Variants in JCAD observed in about 807,000 individuals in gnomAD.
The protein encoded by JCAD is junctional cadherin 5-associated protein.
A neutral mutation model predicts 98.0 loss-of-function variants in JCAD; 40 were observed. The observed-to-expected ratio is 0.41, with a 90% confidence interval of 0.32 to 0.53. The LOEUF is 0.53. JCAD is among the 20% of genes least tolerant of loss of function. The pLI, the probability that JCAD is intolerant of heterozygous loss-of-function variation, is 0.31. For synonymous variants in JCAD, 691 were observed against 682.3 expected (o/e 1.01, Z -0.20); for missense variants, 1,705 against 1,738.1 (o/e 0.98, Z 0.34).
upstream of JCAD, among the ~76,000 whole-genome samples, chr10:30,064,068 G>A (rs1390093534): frequency 6.6e-6 from 1 of 152,158 alleles, no homozygotes; most frequent in East Asian, 1.9e-4. Context: ...GCCTCCCAAA[G>A]TGGTGGGATT....
At position 30,075,480 on chromosome 10, in the gene JCAD, T is replaced by C. The variant is rs374880272; in HGVS notation, n.129-5659A>G. ...TTAATATTCACATTGGTACCAATGA[T>C]ACAGGATAACTGCTATTTAATAAAT... On this transcript the variant is annotated intron_variant and non_coding_transcript_variant, in intron 1 of 2. Coordinates refer to the JCAD transcript ENST00000465712. 1.1e-4 allele frequency among the ~76,000 whole-genome samples: 17 copies of C among 152,342 alleles called. No homozygotes were observed. In the East Asian group the frequency reaches 1.2e-3, roughly 10 times the overall value.
chr10:30,036,434 G>C (rs938987000), intron 2 of JCAD, among the ~76,000 whole-genome samples: 4 of 150,494 alleles, frequency 2.7e-5, no homozygotes, highest in African/African-American at 9.9e-5. Context: ...GGGCAGTACA[G>C]AGCAGGACTC....
At position 30,059,409 on chromosome 10, in the gene JCAD, G is replaced by A. The variant is rs1462408753; in HGVS notation, c.-60+73C>T. 1.3e-5 allele frequency: 2 copies of A among 151,620 alleles called. No homozygotes were observed. The allele number at this position is 151,620 out of a possible 1,614,324, so 9.4% of individuals were successfully genotyped here. On this transcript the variant is annotated intron_variant, in intron 1 of 3. Coordinates refer to ENST00000375377, the MANE Select transcript of JCAD (RefSeq NM_020848.4). This position sits in a 1 kb window ranked among gnomAD's most constrained non-coding sequence, Gnocchi z 5.0. Reference sequence around the variant, plus strand: ...GGGGGGAGTGCGGGAGGCTGCGGGTGAGGCCCGCGAAGCGCCGTGGGAGCG... The same window carrying A: ...GGGGGGAGTGCGGGAGGCTGCGGGTAAGGCCCGCGAAGCGCCGTGGGAGCG...
At chr10:30,108,346 G>A (rs1372048490) in intron 1 of JCAD, among the ~76,000 whole-genome samples, 3 of 151,932 alleles carry the variant, frequency 2.0e-5, no homozygotes, top group African/African-American at 7.3e-5. Flanking sequence ...CGTTATCAGG[G>A]GTGGTTGTCA....
At chr10:30,020,341 A>G (rs1293746516) in intron 3 of JCAD, among the ~76,000 whole-genome samples, 5 of 150,990 alleles carry the variant, frequency 3.3e-5, no homozygotes, top group Admixed American at 1.3e-4. Flanking sequence ...AAAAAAAAAA[A>G]AAAAAAGAAA....
intron 2 of JCAD, among the ~76,000 whole-genome samples, chr10:30,045,958 C>G (rs1837326194): frequency 6.6e-6 from 1 of 152,200 alleles, no homozygotes; most frequent in Admixed American, 6.5e-5. Context: ...TGCCTGAAAA[C>G]TGTCAACCAA....
chr10:30,092,200 T>TTCTACGACACTAGGGATCC (rs1437825266), intron 1 of JCAD, among the ~76,000 whole-genome samples: 8 of 146,224 alleles, frequency 5.5e-5, no homozygotes, highest in Non-Finnish European at 1.0e-4. Flanking sequence ...AGAGTAGATT[T>TTCTACGACACTAGGGATCC]TCTACGACAC....
chr10:30,098,233 T>G (rs547534046), intron 1 of JCAD, among the ~76,000 whole-genome samples: 2 of 152,202 alleles, frequency 1.3e-5, no homozygotes, highest in African/African-American at 2.4e-5. Context: ...GTTCTCTAGC[T>G]AGGCTGATCG....
At chr10:30,104,856 GC>G (rs1838543506) in intron 1 of JCAD, among the ~76,000 whole-genome samples, 1 of 152,172 alleles carries the variant, frequency 6.6e-6, no homozygotes, top group South Asian at 2.1e-4. Context: ...AGAGAGAAGA[GC>G]GGAGGGTTGG....
At position 30,027,019 on chromosome 10, in the gene JCAD, G is replaced by A. The variant is rs368198040; in HGVS notation, c.3129C>T (p.Leu1043=). Residue 1043 remains leucine (L), a synonymous_variant, in exon 3 of 4, where the codon CTC becomes CTT. Coordinates refer to ENST00000375377, the MANE Select transcript of JCAD (RefSeq NM_020848.4). ...PLSLSNKNRG[L]SAPDLRSVGL... ...CCACAGACCGTAAGTCTGGAGCTGA[G>A]AGCCCTCGGTTCTTGTTAGACAGGG... 2 of 1,614,070 alleles carry A rather than the reference G, an allele frequency of 1.2e-6. No individual in the cohort carries two copies. Among genetic ancestry groups the A allele is most frequent in the Non-Finnish European group, 1.7e-6 (2 of 1,180,052 alleles).
In JCAD at chr10:30,016,874, A is replaced by G. The variant is rs886874277; in HGVS notation, c.*1009T>C. ...AAAAGTTTCTTTTATTAACCCTGTG[A>G]TATGTCTATATTGACATTTTCTAAG... On this transcript the variant is annotated 3_prime_UTR_variant, in exon 4 of 4. Coordinates refer to ENST00000375377, the MANE Select transcript of JCAD (RefSeq NM_020848.4). 6.6e-6 allele frequency: 1 copy of G among 152,192 alleles called. No homozygotes were observed. The highest frequency in any genetic ancestry group is 1.5e-5 in the Non-Finnish European group (1 of 68,044). 9.4% of individuals were successfully genotyped at this position (152,192 alleles called of 1,614,324 possible).
At chr10:30,096,111 G>C (rs1378729187) in intron 1 of JCAD, among the ~76,000 whole-genome samples, 1 of 152,218 alleles carries the variant, frequency 6.6e-6, no homozygotes, top group Admixed American at 6.5e-5. Context: ...CCAGTGTGTG[G>C]AGAAGCTGCC....
At chr10:30,109,478 C>T (rs964580281) in intron 1 of JCAD, among the ~76,000 whole-genome samples, 2 of 152,192 alleles carry the variant, frequency 1.3e-5, no homozygotes, top group African/African-American at 4.8e-5. Context: ...GCTCAAGCCC[C>T]TGTTGTTTCA....
At position 30,059,160 on chromosome 10, in the gene JCAD, C is replaced by T. The variant is rs1837648811; in HGVS notation, c.-60+322G>A. 6.6e-6 allele frequency among the ~76,000 whole-genome samples: 1 copy of T among 151,772 alleles called. No individual in the cohort carries two copies. The highest frequency in any genetic ancestry group is 2.1e-4 in the South Asian group (1 of 4,832). On this transcript the variant is annotated intron_variant, in intron 1 of 3. Transcript: ENST00000375377. The surrounding 1 kb of genome is among the most constrained non-coding windows in gnomAD (Gnocchi z 5.0). ...CGCGCGCCGAGGGGCGACGCGAGCGCTAACGCCAGCCGCGGCCCGCGGTGC... is the reference window on the plus strand; with the variant it reads ...CGCGCGCCGAGGGGCGACGCGAGCGTTAACGCCAGCCGCGGCCCGCGGTGC...
intron 3 of JCAD, among the ~76,000 whole-genome samples, chr10:30,025,086 CAG>C (rs1222577075): frequency 6.6e-6 from 1 of 152,078 alleles, no homozygotes; most frequent in Non-Finnish European, 1.5e-5. Context: ...GGTTTCAAAA[CAG>C]AAAATAGAAA....
chr10:30,097,215 T>A (rs980544023), intron 1 of JCAD, among the ~76,000 whole-genome samples: 6 of 152,218 alleles, frequency 3.9e-5, no homozygotes, highest in Non-Finnish European at 7.3e-5. Context: ...TTAACTTTAT[T>A]TAATTTTAAA....
At chr10:30,079,580 G>A (rs1208967959) in intron 1 of JCAD, among the ~76,000 whole-genome samples, 1 of 152,098 alleles carries the variant, frequency 6.6e-6, no homozygotes, top group Non-Finnish European at 1.5e-5. Context: ...CCTGGTTCCT[G>A]GTCATGGATT....
rs540997319 is a variant in JCAD at position 30,048,948 on chromosome 10, C to T, written c.-59-1077G>A. Among the ~76,000 whole-genome samples, 5 of 152,256 alleles carry T rather than the reference C, an allele frequency of 3.3e-5. No individual in the cohort carries two copies. The South Asian group carries it at 8.3e-4, about 25-fold the overall frequency. On this transcript the variant is annotated intron_variant, in intron 1 of 3. Coordinates refer to ENST00000375377, the MANE Select transcript of JCAD (RefSeq NM_020848.4). Reference sequence around the variant, plus strand: ...TTTTGCATCTCTCAGCCAAGGATGTCCACACCCAAATCCTGCTATAGTACC... The same window carrying T: ...TTTTGCATCTCTCAGCCAAGGATGTTCACACCCAAATCCTGCTATAGTACC...
In JCAD at chr10:30,016,210, C is replaced by T. The variant is rs1172190718; in HGVS notation, c.*1673G>A. The T allele has an allele frequency of 2.0e-5, 3 of 152,022 alleles. No homozygotes were observed. Among genetic ancestry groups the T allele is most frequent in the Non-Finnish European group, 4.4e-5 (3 of 68,030 alleles). The allele number at this position is 152,022 out of a possible 1,614,324, so 9.4% of individuals were successfully genotyped here. ...GACAGCCCGGCCAGCCGTTTTAGGG[C>T]CAAAGGACAGATCACCCAACGGTTC... On this transcript the variant is annotated 3_prime_UTR_variant, in exon 4 of 4. Coordinates refer to ENST00000375377, the MANE Select transcript of JCAD (RefSeq NM_020848.4).
Sources: allele counts gnomAD v4.1 joint callset (sites outside exome capture counted in the v4.1 genomes callset), GRCh38; gene constraint gnomAD v4.1.1; non-coding constraint Gnocchi (gnomAD v3.1); transcripts MANE v1.5; gene names NCBI Gene and HGNC (gene_info 2026-07-23, HGNC 2026-07-21).